Variants in MAML3 observed in about 807,000 individuals in gnomAD.
MAML3 encodes mastermind-like protein 3.
A neutral mutation model predicts 101.9 loss-of-function variants in MAML3; 27 were observed. The ratio of observed to expected loss-of-function variants is 0.27; its 90% CI spans 0.20 to 0.37. The LOEUF (loss-of-function observed/expected upper bound fraction) is 0.37, where lower values mean the gene tolerates loss of function less well. MAML3 is among the 10% of genes least tolerant of loss of function. MAML3 has a pLI of 1.00. For missense variants in MAML3, 1,316 were observed against 1,444.9 expected (o/e 0.91, Z 1.45); for synonymous variants, 501 against 555.9 (o/e 0.90, Z 1.39).
chr4:140,077,192 C>T (rs778036914), intron 1 of MAML3, among the ~76,000 whole-genome samples: 1 of 152,182 alleles, frequency 6.6e-6, no homozygotes, highest in African/African-American at 2.4e-5. Context: ...GGAATCCTAT[C>T]TCCAACAAAC....
chr4:139,879,388 TC>T (rs1732174938), intron 2 of MAML3, among the ~76,000 whole-genome samples: 1 of 151,454 alleles, frequency 6.6e-6, no homozygotes, highest in Admixed American at 6.6e-5. Context: ...TAGTGGGGCA[TC>T]ATGGTGTATG....
intron 2 of MAML3, among the ~76,000 whole-genome samples, chr4:139,861,851 G>A (rs1020096352): frequency 2.6e-5 from 4 of 151,990 alleles, no homozygotes; most frequent in South Asian, 2.1e-4. Flanking sequence ...AAGACCTTAC[G>A]AGCTGGTTTG....
At chr4:140,029,171 C>A (rs1364914081) in intron 1 of MAML3, among the ~76,000 whole-genome samples, 3 of 152,176 alleles carry the variant, frequency 2.0e-5, no homozygotes, top group Non-Finnish European at 4.4e-5. Context: ...TAAAACCAAA[C>A]CCTGCTCAGC....
chr4:139,730,818 G>T, intron 2 of MAML3, 151 bp from the exon 3 acceptor site: 1 of 688,448 alleles, frequency 1.5e-6, no homozygotes. Flanking sequence ...TTCCATAAAC[G>T]TAGCTTCAAA....
chr4:139,894,636 TACA>T (rs761664482), intron 1 of MAML3, among the ~76,000 whole-genome samples: 8 of 152,196 alleles, frequency 5.3e-5, no homozygotes, highest in Admixed American at 1.3e-4. Flanking sequence ...CTTATATTTT[TACA>T]ACATCAAACA....
At chr4:139,947,580 C>T (rs1039222138) in intron 1 of MAML3, among the ~76,000 whole-genome samples, 3 of 152,152 alleles carry the variant, frequency 2.0e-5, no homozygotes, top group Admixed American at 6.5e-5. Context: ...GCAAAGCACC[C>T]ACATGTCCCT....
intron 1 of MAML3, among the ~76,000 whole-genome samples, chr4:139,930,016 A>C (rs1448636118): frequency 9.2e-5 from 14 of 152,204 alleles, no homozygotes; most frequent in Admixed American, 9.2e-4. Flanking sequence ...CCGTTTGTAC[A>C]GGTGAGTGAC....
chr4:140,112,737 G>A (rs17323440), intron 1 of MAML3, among the ~76,000 whole-genome samples: 31,058 of 152,150 alleles, frequency 0.2, 3,889 homozygotes, highest in South Asian at 0.31. Context: ...GGAGGTGTGG[G>A]TTACTTCCCT....
intron 2 of MAML3, among the ~76,000 whole-genome samples, chr4:139,774,906 C>T (rs767982958): frequency 3.9e-5 from 6 of 152,122 alleles, no homozygotes; most frequent in Non-Finnish European, 7.3e-5. Context: ...TATGTAAACG[C>T]TAATCAGGCC....
chr4:139,926,397 A>G (rs1181135732), intron 1 of MAML3, among the ~76,000 whole-genome samples: 2 of 152,286 alleles, frequency 1.3e-5, no homozygotes, highest in Non-Finnish European at 2.9e-5. Context: ...TCAGGAGATC[A>G]AGACCATTCT....
At chr4:139,915,665 T>C (rs1180748370) in intron 1 of MAML3, among the ~76,000 whole-genome samples, 1 of 152,086 alleles carries the variant, frequency 6.6e-6, no homozygotes, top group African/African-American at 2.4e-5. Flanking sequence ...CAGTATCCCT[T>C]GTAAGTCTGG....
chr4:139,941,668 G>A lies in MAML3; in HGVS notation c.469-50701C>T, dbSNP rs117478995. ...CTAAAATGTACATGTATGTGTGCAA[G>A]CATATGTTGAGTACATGTGTGTGTT... On this transcript the variant is annotated intron_variant, in intron 1 of 4. Coordinates refer to ENST00000509479, the MANE Select transcript of MAML3 (RefSeq NM_018717.5). 8.6e-3 allele frequency among the ~76,000 whole-genome samples: 1,308 copies of A among 152,234 alleles called. 47 individuals carry two copies. Among genetic ancestry groups the A allele is most frequent in the Admixed American group, 0.06 (924 of 15,288 alleles).
intron 1 of MAML3, among the ~76,000 whole-genome samples, chr4:139,907,784 A>G (rs544132408): frequency 6.6e-6 from 1 of 152,336 alleles, no homozygotes; most frequent in African/African-American, 2.4e-5. Context: ...ACAATGTTGT[A>G]TCCCATTCTG....
rs1326467942 is a variant in MAML3 at position 139,717,527 on chromosome 4, C to G, written c.*1796G>C. 1 of 152,354 alleles carries G rather than the reference C, an allele frequency of 6.6e-6. No homozygotes were observed. Among genetic ancestry groups the G allele is most frequent in the Non-Finnish European group, 1.5e-5 (1 of 68,186 alleles). The allele number at this position is 152,354 out of a possible 1,614,324, so 9.4% of individuals were successfully genotyped here. A position where few individuals can be genotyped will look rare whatever the true frequency, so the allele number is the denominator to read the frequency against. ...CTTCTCACCCACCAGGCACCTCTGG[C>G]CTTACATCCTGCCCCTTCCTGAGCA... On this transcript the variant is annotated 3_prime_UTR_variant, in exon 5 of 5. Transcript: ENST00000509479.
intron 2 of MAML3, among the ~76,000 whole-genome samples, chr4:139,849,826 A>G (rs1578629907): frequency 6.6e-6 from 1 of 152,218 alleles, no homozygotes; most frequent in East Asian, 1.9e-4. Flanking sequence ...ATGTTACATA[A>G]AATTCTGAAA....
intron 1 of MAML3, among the ~76,000 whole-genome samples, chr4:140,077,820 C>A (rs899895318): frequency 2.0e-5 from 3 of 152,116 alleles, no homozygotes; most frequent in Admixed American, 6.5e-5. Flanking sequence ...GAGTTCAAGA[C>A]CATCCCAGCC....
At chr4:139,881,083 T>C (rs1173031163) in intron 2 of MAML3, among the ~76,000 whole-genome samples, 1 of 152,166 alleles carries the variant, frequency 6.6e-6, no homozygotes, top group African/African-American at 2.4e-5. Context: ...TAAACAACGC[T>C]GTGAAGACTT....
chr4:140,151,569 TGCCGGGCTCTGC>T (rs988589802), intron 1 of MAML3, among the ~76,000 whole-genome samples: 1 of 151,962 alleles, frequency 6.6e-6, no homozygotes, highest in Admixed American at 6.5e-5. Flanking sequence ...GGGCCGCCCC[TGCCGGGCTCTGC>T]GCCGCCGATC....
At chr4:140,003,565 T>G (rs1726373246) in intron 1 of MAML3, among the ~76,000 whole-genome samples, 1 of 152,198 alleles carries the variant, frequency 6.6e-6, no homozygotes, top group Admixed American at 6.5e-5. Flanking sequence ...CAGTGTCCTA[T>G]CTCACTGGCT....
Sources: allele counts gnomAD v4.1 joint callset (sites outside exome capture counted in the v4.1 genomes callset), GRCh38; gene constraint gnomAD v4.1.1; transcripts MANE v1.5; gene names NCBI Gene and HGNC (gene_info 2026-07-23, HGNC 2026-07-21).